PCDHGB5: variants seen among roughly 807,000 people sequenced by gnomAD.
PCDHGB5 encodes the protein protocadherin gamma subfamily B, 5.
PCDHGB5 carries 48 observed loss-of-function variants against 62.9 expected under a neutral mutation model. The ratio of observed to expected loss-of-function variants is 0.76; its 90% CI spans 0.61 to 0.97. The LOEUF (loss-of-function observed/expected upper bound fraction) is 0.97. PCDHGB5 is among the 50% of genes least tolerant of loss of function. The pLI is 0.00. For synonymous variants in PCDHGB5, 474 were observed against 511.2 expected (o/e 0.93, Z 0.98); for missense variants, 1,118 against 1,198.6 (o/e 0.93, Z 0.99).
chr5:141,497,689 A>G (rs951295378), intron 2 of PCDHGB5, among the ~76,000 whole-genome samples: 1 of 151,958 alleles, frequency 6.6e-6, no homozygotes, highest in African/African-American at 2.4e-5. Flanking sequence ...GCAGGTGTGC[A>G]CCACCACACC....
intron 1 of PCDHGB5, among the ~76,000 whole-genome samples, chr5:141,474,312 T>G (rs1358237994): frequency 6.6e-6 from 1 of 152,228 alleles, no homozygotes; most frequent in African/African-American, 2.4e-5. Flanking sequence ...AACTTTAATG[T>G]GTTTTCAAAT....
intron 1 of PCDHGB5, chr5:141,419,893 TCCC>T (rs571839457): frequency 5.0e-5 from 81 of 1,613,960 alleles, no homozygotes; most frequent in Non-Finnish European, 6.5e-5. Context: ...TCAGCGACCA[TCCC>T]ACACCCTCTG....
intron 1 of PCDHGB5, chr5:141,416,916 T>A (rs751743318): frequency 5.5e-4 from 83 of 152,132 alleles, no homozygotes; most frequent in Non-Finnish European, 8.5e-4. Flanking sequence ...CTCTTTAGGG[T>A]CATAGTTATT....
chr5:141,410,653 A>G (rs1272999564), intron 1 of PCDHGB5: 9 of 1,589,886 alleles, frequency 5.7e-6, no homozygotes, highest in Non-Finnish European at 7.7e-6. Context: ...TGATTTATCT[A>G]ATAGTCTACT....
chr5:141,423,335 G>T (rs781241820), intron 1 of PCDHGB5: 11 of 1,614,046 alleles, frequency 6.8e-6, no homozygotes, highest in Non-Finnish European at 9.3e-6. Context: ...GCAGTCTCCT[G>T]CATCTTCCTG....
In PCDHGB5 at chr5:141,461,039, C is replaced by T. The variant is rs1026091108; in HGVS notation, c.2398-33768C>T. On this transcript the variant is annotated intron_variant, in intron 1 of 3. Coordinates refer to ENST00000617380, the MANE Select transcript of PCDHGB5 (RefSeq NM_018925.3). ...ACATTTTCTTTATCCACTCATTAGT[C>T]GATGGGGACTTAGGTTGGTTTCACA... is the stretch of plus-strand genomic sequence containing the variant. 2.7e-5 allele frequency among the ~76,000 whole-genome samples: 4 copies of T among 150,906 alleles called. No homozygotes were observed. In the East Asian group the frequency reaches 7.8e-4, roughly 29 times the overall value.
intron 1 of PCDHGB5, chr5:141,413,395 G>C: frequency 6.2e-7 from 1 of 1,614,050 alleles, no homozygotes; most frequent in Non-Finnish European, 8.5e-7. Context: ...AGTCTCCAGA[G>C]GTAGGACGCA....
chr5:141,422,569 G>C, intron 1 of PCDHGB5: 2 of 1,613,984 alleles, frequency 1.2e-6, no homozygotes, highest in Non-Finnish European at 1.7e-6. Flanking sequence ...AGATGACAAC[G>C]ATAACCCTCC....
chr5:141,429,169 T>TACACACACACACACAC (rs10667977), intron 1 of PCDHGB5: 2 of 145,394 alleles, frequency 1.4e-5, no homozygotes, highest in East Asian at 2.0e-4. Flanking sequence ...ACATTGTTTA[T>TACACACACACACACAC]ACACACACAC....
chr5:141,404,592 C>T, intron 1 of PCDHGB5: 1 of 1,614,048 alleles, frequency 6.2e-7, no homozygotes, highest in African/African-American at 1.3e-5. Flanking sequence ...AGCAATGTGT[C>T]ATTGAGACTG....
At chr5:141,494,999 G>T in intron 2 of PCDHGB5, 134 bp downstream of exon 2, 1 of 1,531,046 alleles carries the variant, frequency 6.5e-7, no homozygotes, top group Non-Finnish European at 8.8e-7. Context: ...GGGAGGTCTT[G>T]GTGTGCGGGG....
intron 1 of PCDHGB5, among the ~76,000 whole-genome samples, chr5:141,407,414 C>T (rs1190741475): frequency 6.6e-6 from 1 of 152,156 alleles, no homozygotes; most frequent in Non-Finnish European, 1.5e-5. Flanking sequence ...TTCGATACCA[C>T]AAAAATGTCT....
intron 1 of PCDHGB5, among the ~76,000 whole-genome samples, chr5:141,451,107 C>G (rs768308463): frequency 1.2e-4 from 18 of 152,118 alleles, no homozygotes; most frequent in Non-Finnish European, 2.4e-4. Context: ...GGATTACAGG[C>G]GTGAGCCACC....
At chr5:141,483,534 G>C (rs754118568) in intron 1 of PCDHGB5, among the ~76,000 whole-genome samples, 1 of 152,102 alleles carries the variant, frequency 6.6e-6, no homozygotes, top group Non-Finnish European at 1.5e-5. Flanking sequence ...AAGGAAGCTG[G>C]GTGGTTGACA....
chr5:141,470,022 G>A (rs892106953), intron 1 of PCDHGB5, among the ~76,000 whole-genome samples: 2 of 152,188 alleles, frequency 1.3e-5, no homozygotes, highest in African/African-American at 2.4e-5. Context: ...CCAGCTACTC[G>A]GGATGCTGAG....
intron 1 of PCDHGB5, among the ~76,000 whole-genome samples, chr5:141,455,291 A>G (rs1212745731): frequency 6.6e-6 from 1 of 152,072 alleles, no homozygotes; most frequent in Non-Finnish European, 1.5e-5. Flanking sequence ...CACTTTACAT[A>G]GTTTCATCTT....
rs756330109 is a variant in PCDHGB5, at chr5:141,432,621, T to A, written c.2397+32097T>A. ...GAGCCGGGACTCTTCTCGGTGGGTC[T>A]GCACACGGGCGAGGTGCGCACGGCG... On this transcript the variant is annotated intron_variant, in intron 1 of 3. Transcript: ENST00000617380. This position sits in a 1 kb window ranked among gnomAD's most constrained non-coding sequence, Gnocchi z 6.0. The A allele has an allele frequency of 3.1e-6, 5 of 1,612,942 alleles. No homozygotes were observed. Among genetic ancestry groups the A allele is most frequent in the Admixed American group, 1.7e-5 (1 of 59,962 alleles).
intron 1 of PCDHGB5, chr5:141,409,266 A>G (rs1285539149): frequency 1.1e-5 from 17 of 1,613,922 alleles, no homozygotes; most frequent in Non-Finnish European, 1.4e-5. Flanking sequence ...CTCTCTGATC[A>G]GATTTTGGAG....
At chr5:141,455,534 A>G (rs985347185) in intron 1 of PCDHGB5, among the ~76,000 whole-genome samples, 1 of 152,178 alleles carries the variant, frequency 6.6e-6, no homozygotes, top group Non-Finnish European at 1.5e-5. Flanking sequence ...GACCAGGCAT[A>G]TCATTCACGT....
Sources: gnomAD v4.1 joint callset for allele counts (sites outside exome capture counted in the v4.1 genomes callset) on GRCh38, gnomAD v4.1.1 for gene constraint, Gnocchi (gnomAD v3.1) non-coding constraint, MANE v1.5 for transcripts, NCBI Gene and HGNC (gene_info 2026-07-23, HGNC 2026-07-21) for gene names.